GOLM2: variants seen among roughly 807,000 people sequenced by gnomAD.
GOLM2 encodes protein GOLM2.
In GOLM2, 26 loss-of-function variants were observed where a neutral mutation model predicts 55.9. That is an observed-to-expected ratio of 0.47 (90% confidence interval 0.34 to 0.65). The LOEUF is 0.65. Among genes scored for constraint, GOLM2 ranks in the 30% least tolerant of loss-of-function variants. GOLM2 has a pLI of 0.01. For missense variants in GOLM2, 486 were observed against 531.8 expected (o/e 0.91, Z 0.85); for synonymous variants, 165 against 194.6 (o/e 0.85, Z 1.27).
chr15:44,391,285 C>A (rs532917200), intron 8 of GOLM2, among the ~76,000 whole-genome samples: 2 of 151,920 alleles, frequency 1.3e-5, no homozygotes, highest in Admixed American at 6.6e-5. Context: ...GAGGCTGAGG[C>A]GGGCAGATCA....
At chr15:44,410,716 T>A (rs183497440) in intron 9 of GOLM2, among the ~76,000 whole-genome samples, 103 of 145,500 alleles carry the variant, frequency 7.1e-4, no homozygotes, top group Non-Finnish European at 1.4e-3. Context: ...GGCAACATGG[T>A]GAAACCCTGT....
chr15:44,295,937 CACACACACACAG>C (rs1378611701), intron 1 of GOLM2, among the ~76,000 whole-genome samples: 28 of 152,028 alleles, frequency 1.8e-4, no homozygotes, highest in African/African-American at 6.0e-4. Context: ...CACACACACA[CACACACACACAG>C]ACACCCTTTT....
At position 44,341,151 on chromosome 15, in the gene GOLM2, G is replaced by T. The variant is rs1174714797; in HGVS notation, c.802+2834G>T. 4.0e-5 allele frequency among the ~76,000 whole-genome samples: 6 copies of T among 148,864 alleles called. No individual in the cohort carries two copies. The Admixed American group carries it at 4.1e-4, about 10-fold the overall frequency. On this transcript the variant is annotated intron_variant, in intron 6 of 9. Coordinates refer to ENST00000299957, the MANE Select transcript of GOLM2 (RefSeq NM_138423.4). ...GCTGGAGTGCAGTGATGCGATCTTG[G>T]CTCACTGCAAGCTTTGCCTCCCAGG...
At chr15:44,360,220 A>G (rs2079227755) in intron 6 of GOLM2, among the ~76,000 whole-genome samples, 1 of 152,072 alleles carries the variant, frequency 6.6e-6, no homozygotes, top group African/African-American at 2.4e-5. Flanking sequence ...TTTAAATGTA[A>G]ATGGACTAAA....
chr15:44,361,613 A>G (rs2079240102), intron 6 of GOLM2, among the ~76,000 whole-genome samples: 1 of 152,150 alleles, frequency 6.6e-6, no homozygotes, highest in South Asian at 2.1e-4. Context: ...ATTCTACCAG[A>G]GGTACAAGGA....
intron 6 of GOLM2, among the ~76,000 whole-genome samples, chr15:44,350,622 G>C (rs959920659): frequency 1.3e-5 from 2 of 152,140 alleles, no homozygotes; most frequent in Non-Finnish European, 2.9e-5. Context: ...ACTCATTCTA[G>C]GAGACGAGTA....
At chr15:44,355,650 C>T (rs76360203) in intron 6 of GOLM2, 364 of 227,452 alleles carry the variant, frequency 1.6e-3, no homozygotes, top group Admixed American at 4.6e-3. Flanking sequence ...GCTACAGCAA[C>T]GGGGTGGTGG....
Position 44,334,002 on chromosome 15 carries a change from A to T in GOLM2, c.576+1924A>T, listed in dbSNP as rs553675224. On this transcript the variant is annotated intron_variant, in intron 4 of 9. Transcript: ENST00000299957. Reference sequence around the variant, plus strand: ...AGTGCTGGGATTACAGGCGTGAGGCACCACGCCCGGCCGCTCTCTTCTATT... The same window carrying T: ...AGTGCTGGGATTACAGGCGTGAGGCTCCACGCCCGGCCGCTCTCTTCTATT... 3.6e-3 allele frequency among the ~76,000 whole-genome samples: 550 copies of T among 152,360 alleles called. 3 individuals carry two copies. The highest frequency in any genetic ancestry group is 0.02 in the Middle Eastern group (6 of 294).
chr15:44,346,340 A>T (rs2079124414), intron 6 of GOLM2, among the ~76,000 whole-genome samples: 2 of 152,132 alleles, frequency 1.3e-5, no homozygotes, highest in Admixed American at 6.6e-5. Context: ...TGATGCCTAA[A>T]TTCCATTCCA....
chr15:44,379,638 T>TTTAAA, intron 6 of GOLM2, 52 bp from the exon 7 acceptor site: 11 of 710,010 alleles, frequency 1.5e-5, no homozygotes, highest in Middle Eastern at 4.5e-4. Flanking sequence ...TTTTTTTTTT[T>TTTAAA]AGAAATCATA....
chr15:44,304,340 C>T (rs1413517946), intron 1 of GOLM2, among the ~76,000 whole-genome samples: 1 of 142,134 alleles, frequency 7.0e-6, no homozygotes, highest in Non-Finnish European at 1.5e-5. Flanking sequence ...CTCACAGGTT[C>T]AAGCAATTCT....
At chr15:44,375,282 G>C (rs1807939517) in intron 6 of GOLM2, among the ~76,000 whole-genome samples, 1 of 152,126 alleles carries the variant, frequency 6.6e-6, no homozygotes, top group South Asian at 2.1e-4. Flanking sequence ...GCCTCCCAAA[G>C]TGCTGAGATT....
At chr15:44,397,232 C>A (rs1187400657) in intron 8 of GOLM2, among the ~76,000 whole-genome samples, 2 of 151,978 alleles carry the variant, frequency 1.3e-5, no homozygotes, top group African/African-American at 2.4e-5. Flanking sequence ...GGAATCCCAG[C>A]ACTTTGGGAG....
intron 6 of GOLM2, among the ~76,000 whole-genome samples, chr15:44,349,324 A>G (rs1345290485): frequency 1.2e-4 from 18 of 151,998 alleles, no homozygotes; most frequent in Admixed American, 1.1e-3. Flanking sequence ...GTTCCATGCA[A>G]GTAGAAACCA....
At chr15:44,305,174 AT>A (rs932595834) in intron 1 of GOLM2, among the ~76,000 whole-genome samples, 1 of 150,696 alleles carries the variant, frequency 6.6e-6, no homozygotes, top group Admixed American at 6.6e-5. Context: ...CTAATTTTGT[AT>A]TTTTTGTAGA....
chr15:44,381,421 A>G (rs1293777716), intron 8 of GOLM2, among the ~76,000 whole-genome samples: 1 of 152,206 alleles, frequency 6.6e-6, no homozygotes, highest in African/African-American at 2.4e-5. Flanking sequence ...TTCCTCCTCC[A>G]TTCCCTGCAA....
chr15:44,366,591 G>A (rs541657086), intron 6 of GOLM2, among the ~76,000 whole-genome samples: 3 of 152,128 alleles, frequency 2.0e-5, no homozygotes, highest in Admixed American at 6.6e-5. Flanking sequence ...CCATGATGAC[G>A]CCATTGCACT....
rs184405218 is a variant in GOLM2 at position 44,403,431 on chromosome 15, G to A, written c.1240+377G>A. The stretch of plus-strand genomic sequence containing the variant: ...CTCACCTCAGGCTCCCAAAGTGCTG[G>A]GATTACAGGCATGAGCCACTGCGCC... On this transcript the variant is annotated intron_variant, in intron 9 of 9. Coordinates refer to ENST00000299957, the MANE Select transcript of GOLM2 (RefSeq NM_138423.4). Among the ~76,000 whole-genome samples, 282 of 152,188 alleles carry A rather than the reference G, an allele frequency of 1.9e-3. 1 individual carries two copies. Among genetic ancestry groups the A allele is most frequent in the Non-Finnish European group, 1.4e-3 (92 of 68,020 alleles).
chr15:44,301,551 A>T (rs1353714951), intron 1 of GOLM2, among the ~76,000 whole-genome samples: 1 of 152,144 alleles, frequency 6.6e-6, no homozygotes, highest in Non-Finnish European at 1.5e-5. Context: ...ACCCTTGAGC[A>T]GGGGCTATGA....
Sources: gnomAD v4.1 joint callset for allele counts (sites outside exome capture counted in the v4.1 genomes callset) on GRCh38, gnomAD v4.1.1 for gene constraint, MANE v1.5 for transcripts, NCBI Gene and HGNC (gene_info 2026-07-23, HGNC 2026-07-21) for gene names.